The following COL23A1 variants were observed in gnomAD, a reference collection of about 807,000 sequenced individuals.
COL23A1 encodes the protein collagen type XXIII alpha 1 chain.
COL23A1 carries 97 observed loss-of-function variants against 99.3 expected under a neutral mutation model. The ratio of observed to expected loss-of-function variants is 0.98; its 90% CI spans 0.83 to 1.16. The LOEUF is 1.16. Among genes scored for constraint, COL23A1 ranks in the 50% most tolerant of loss-of-function variants. The probability of loss-of-function intolerance (pLI) is 0.00; values close to 1 mark genes in which losing one functional copy is unlikely to be tolerated. For missense variants in COL23A1, 762 were observed against 757.4 expected (o/e 1.01, Z -0.07); for synonymous variants, 320 against 308.2 (o/e 1.04, Z -0.40).
At chr5:178,469,001 C>CCT (rs1398162133) in intron 2 of COL23A1, among the ~76,000 whole-genome samples, 3 of 152,200 alleles carry the variant, frequency 2.0e-5, no homozygotes, top group Admixed American at 6.5e-5. Context: ...GGAATCATAT[C>CCT]GTGTTTGTCC....
chr5:178,334,035 G>A (rs1392960961), intron 2 of COL23A1, among the ~76,000 whole-genome samples: 1 of 152,096 alleles, frequency 6.6e-6, no homozygotes. Flanking sequence ...GAGTAGCTGG[G>A]GAGGTTGCAG....
chr5:178,430,771 G>C (rs1766217287), intron 2 of COL23A1, among the ~76,000 whole-genome samples: 3 of 152,280 alleles, frequency 2.0e-5, no homozygotes. Context: ...TGAGTGCTGT[G>C]TCCCAGACCC....
chr5:178,481,395 A>T (rs982016656), intron 2 of COL23A1, among the ~76,000 whole-genome samples: 60 of 152,232 alleles, frequency 3.9e-4, no homozygotes, highest in Middle Eastern at 3.4e-3. Context: ...AAAATTAAAA[A>T]CTTTTGTGTA....
At chr5:178,374,572 T>C (rs1324778556) in intron 2 of COL23A1, among the ~76,000 whole-genome samples, 1 of 152,172 alleles carries the variant, frequency 6.6e-6, no homozygotes, top group Non-Finnish European at 1.5e-5. Flanking sequence ...ATCCGTGAAA[T>C]GAGAACAGCA....
chr5:178,449,285 CCT>C, intron 2 of COL23A1, among the ~76,000 whole-genome samples: 1 of 152,300 alleles, frequency 6.6e-6, no homozygotes, highest in Non-Finnish European at 1.5e-5. Flanking sequence ...TGTGTCTGGC[CCT>C]GTCTTCCCCC....
intron 2 of COL23A1, among the ~76,000 whole-genome samples, chr5:178,467,573 T>C (rs1232166125): frequency 2.0e-5 from 3 of 152,144 alleles, no homozygotes; most frequent in Admixed American, 6.5e-5. Flanking sequence ...AGGTCCCCAT[T>C]GTGCGAGGGT....
chr5:178,293,407 T>G (rs551536098), intron 3 of COL23A1, among the ~76,000 whole-genome samples: 10 of 152,216 alleles, frequency 6.6e-5, no homozygotes, highest in Admixed American at 3.9e-4. Context: ...GCAAGTTCTC[T>G]TCTGATTGTG....
At chr5:178,268,830 A>G in intron 6 of COL23A1, 74 bp from the exon 7 acceptor site, 2 of 1,489,724 alleles carry the variant, frequency 1.3e-6, no homozygotes, top group Non-Finnish European at 1.8e-6. Flanking sequence ...GCTTCCCTAT[A>G]CCTCTGAGGG....
chr5:178,554,180 T>C (rs1446609009), intron 2 of COL23A1, among the ~76,000 whole-genome samples: 1 of 151,528 alleles, frequency 6.6e-6, no homozygotes, highest in African/African-American at 2.4e-5. Context: ...TTTCCTTTCT[T>C]CTTTTTTTTT....
In COL23A1 at chr5:178,308,992, C is replaced by T. The variant is rs937240988; in HGVS notation, c.362-2073G>A. 5.3e-5 allele frequency among the ~76,000 whole-genome samples: 8 copies of T among 152,160 alleles called. No individual in the cohort carries two copies. Among genetic ancestry groups the T allele is most frequent in the East Asian group, 1.9e-4 (1 of 5,182 alleles). ...CTCTTGCCAGGCCTCAGGTTGTGCT[C>T]GGCCCAGCGAAGCAGTAGGCCCCGG... On this transcript the variant is annotated intron_variant, in intron 2 of 28. Transcript: ENST00000390654. The surrounding 1 kb of genome is among the most constrained non-coding windows in gnomAD (Gnocchi z 5.1).
At chr5:178,578,729 GA>G (rs1181929772) in intron 1 of COL23A1, among the ~76,000 whole-genome samples, 1 of 146,866 alleles carries the variant, frequency 6.8e-6, no homozygotes, top group Non-Finnish European at 1.5e-5. Context: ...TTCCCAGTGT[GA>G]AGCGAAGCAG....
intron 2 of COL23A1, among the ~76,000 whole-genome samples, chr5:178,408,996 A>G (rs1764919414): frequency 6.8e-6 from 1 of 148,002 alleles, no homozygotes; most frequent in Admixed American, 6.8e-5. Flanking sequence ...ACACACACAC[A>G]CACACACACA....
At chr5:178,320,259 G>C (rs537358888) in intron 2 of COL23A1, among the ~76,000 whole-genome samples, 2 of 152,366 alleles carry the variant, frequency 1.3e-5, no homozygotes, top group South Asian at 4.1e-4. Flanking sequence ...GCTCGTGGCT[G>C]CAGCCCCTGA....
intron 1 of COL23A1, chr5:178,561,789 C>T (rs932198257): frequency 2.1e-5 from 4 of 191,156 alleles, no homozygotes; most frequent in East Asian, 1.5e-4. Context: ...AAACATTAAA[C>T]AGTATTTTTA....
chr5:178,298,297 G>A (rs1010292932), intron 3 of COL23A1, among the ~76,000 whole-genome samples: 3 of 152,092 alleles, frequency 2.0e-5, no homozygotes, highest in African/African-American at 7.2e-5. Flanking sequence ...GAGCAGGTGG[G>A]CAAGCTGCTT....
chr5:178,386,450 A>G (rs889150771), intron 2 of COL23A1, among the ~76,000 whole-genome samples: 23 of 151,922 alleles, frequency 1.5e-4, no homozygotes, highest in African/African-American at 5.1e-4. Context: ...AAAAAAAAAA[A>G]ACGCAATACA....
rs1025306050 is a variant in COL23A1, at chr5:178,442,747, C to T, written c.361+117935G>A. ...GCTCTGGCTGGAGGGAGCACAGGCG[C>T]CAAGACCTGACCTGCTGTACTCCCC... On this transcript the variant is annotated intron_variant, in intron 2 of 28. Transcript: ENST00000390654. Among the ~76,000 whole-genome samples, 8 of 152,362 alleles carry T rather than the reference C, an allele frequency of 5.3e-5. No homozygotes were observed. In the South Asian group the frequency reaches 1.7e-3, roughly 32 times the overall value.
intron 2 of COL23A1, among the ~76,000 whole-genome samples, chr5:178,403,114 A>AT (rs1764544936): frequency 1.5e-5 from 2 of 131,722 alleles, no homozygotes; most frequent in African/African-American, 6.8e-5. Context: ...ATCTCAAAAA[A>AT]AAAAAAAATA....
intron 2 of COL23A1, among the ~76,000 whole-genome samples, chr5:178,557,367 T>C (rs559671803): frequency 2.0e-4 from 30 of 152,336 alleles, no homozygotes; most frequent in African/African-American, 6.7e-4. Context: ...GGGTTAGGAC[T>C]TGGACATATC....
Sources: gnomAD v4.1 joint callset for allele counts (sites outside exome capture counted in the v4.1 genomes callset) on GRCh38, gnomAD v4.1.1 for gene constraint, Gnocchi (gnomAD v3.1) non-coding constraint, MANE v1.5 for transcripts, NCBI Gene and HGNC (gene_info 2026-07-23, HGNC 2026-07-21) for gene names.